YWHAG: variants seen among roughly 807,000 people sequenced by gnomAD.
YWHAG encodes 14-3-3 protein gamma.
In YWHAG, 1 loss-of-function variant was observed where a neutral mutation model predicts 23.3. That is an observed-to-expected ratio of 0.04 (90% CI 0.02 to 0.20). The LOEUF is 0.20. Among genes scored for constraint, YWHAG ranks in the 10% least tolerant of loss-of-function variants. The pLI, the probability that YWHAG is intolerant of heterozygous loss-of-function variation, is 1.00. For synonymous variants in YWHAG, 160 were observed against 144.0 expected (o/e 1.11, Z -0.80); for missense variants, 151 against 338.6 (o/e 0.45, Z 4.35).
In YWHAG at chr7:76,329,919, C is replaced by T; in HGVS notation, c.402G>A (p.Leu134=). ...TTTTCTCTCCGGTGGCCACTTCAGC[C>T]AGGTAGCGGTAGTAGTCCCCTTTCA... ...LKMKGDYYRY[L]AEVATGEKRA... is the part of the protein sequence containing the mutation. Residue 134 remains leucine, a synonymous_variant, in exon 2 of 2, where the codon CTG becomes CTA. Coordinates refer to ENST00000307630, the MANE Select transcript of YWHAG (RefSeq NM_012479.4). This position sits in a 1 kb window ranked among gnomAD's most constrained non-coding sequence, Gnocchi z 6.1. The T allele has an allele frequency of 6.2e-7, 1 of 1,614,142 alleles. No homozygotes were observed. Among genetic ancestry groups the T allele is most frequent in the Non-Finnish European group, 8.5e-7 (1 of 1,180,038 alleles).
At chr7:76,346,545 TAAGTGTTTCCTCAAATTCAGCAG>T (rs1025782110) in intron 1 of YWHAG, among the ~76,000 whole-genome samples, 1 of 152,210 alleles carries the variant, frequency 6.6e-6, no homozygotes, top group African/African-American at 2.4e-5. Context: ...TGCCTCCACT[TAAGTGTTTCCTCAAATTCAGCAG>T]AACACCAGAA....
chr7:76,349,418 TAC>T (rs35880008), intron 1 of YWHAG, among the ~76,000 whole-genome samples: 33,814 of 146,828 alleles, frequency 0.23, 4,166 homozygotes, highest in East Asian at 0.35. Flanking sequence ...CATTTATTAA[TAC>T]ACACACACAC....
At chr7:76,337,101 G>A (rs1012218580) in intron 1 of YWHAG, among the ~76,000 whole-genome samples, 9 of 152,040 alleles carry the variant, frequency 5.9e-5, no homozygotes, top group Admixed American at 1.3e-4. Context: ...GAAATAACAC[G>A]CCTCAAACAT....
chr7:76,357,639 G>A (rs1193753982), intron 1 of YWHAG, among the ~76,000 whole-genome samples: 1 of 152,112 alleles, frequency 6.6e-6, no homozygotes, highest in African/African-American at 2.4e-5. Flanking sequence ...GCATGAAGAT[G>A]TACTCGCTTA....
At chr7:76,351,060 T>C (rs567684925) in intron 1 of YWHAG, among the ~76,000 whole-genome samples, 1 of 152,158 alleles carries the variant, frequency 6.6e-6, no homozygotes, top group East Asian at 1.9e-4. Flanking sequence ...AAAAGCAAGG[T>C]GCAAAAGAAT....
At chr7:76,347,019 T>C (rs540712956) in intron 1 of YWHAG, among the ~76,000 whole-genome samples, 23 of 152,248 alleles carry the variant, frequency 1.5e-4, no homozygotes, top group South Asian at 8.3e-4. Flanking sequence ...TGCCTGGCTA[T>C]TCCTTCCTCC....
intron 1 of YWHAG, among the ~76,000 whole-genome samples, chr7:76,332,457 G>A (rs1252381337): frequency 1.3e-5 from 2 of 152,170 alleles, no homozygotes; most frequent in Non-Finnish European, 2.9e-5. Flanking sequence ...TTTCTTATCT[G>A]CAAAATGGGG....
At chr7:76,341,173 A>G (rs1030343791) in intron 1 of YWHAG, among the ~76,000 whole-genome samples, 1 of 152,174 alleles carries the variant, frequency 6.6e-6, no homozygotes, top group African/African-American at 2.4e-5. Flanking sequence ...CTGGCAGATC[A>G]CTTGAGGTCA....
At position 76,358,980 on chromosome 7, in the gene YWHAG, C is replaced by G; in HGVS notation, c.-172G>C. The G allele has an allele frequency of 7.7e-6, 4 of 517,260 alleles. No individual in the cohort carries two copies. The South Asian group carries it at 1.5e-4, about 19-fold the overall frequency. 32.0% of individuals were successfully genotyped at this position (517,260 alleles called of 1,614,324 possible). ...GGAGCTGCGACCGCGGGACCGGGCG[C>G]GAGGCGGCTGCGGCTGCTGTGCGTG... is the stretch of plus-strand genomic sequence containing the variant. On this transcript the variant is annotated 5_prime_UTR_variant, in exon 1 of 2. Coordinates refer to ENST00000307630, the MANE Select transcript of YWHAG (RefSeq NM_012479.4).
At chr7:76,352,376 T>C (rs528834743) in intron 1 of YWHAG, among the ~76,000 whole-genome samples, 4 of 152,118 alleles carry the variant, frequency 2.6e-5, no homozygotes, top group East Asian at 1.9e-4. Context: ...TTGCGGCAGG[T>C]TGGGGGTGGA....
intron 1 of YWHAG, 56 bp from the exon 2 acceptor site, chr7:76,330,289 C>A: frequency 6.5e-7 from 1 of 1,547,436 alleles, no homozygotes; most frequent in South Asian, 1.2e-5. Flanking sequence ...ACTGGGTTAA[C>A]TGTATCTTTG....
At chr7:76,348,741 T>C (rs1324714610) in intron 1 of YWHAG, among the ~76,000 whole-genome samples, 2 of 151,696 alleles carry the variant, frequency 1.3e-5, no homozygotes, top group Non-Finnish European at 2.9e-5. Context: ...GGCTTCACCA[T>C]GTTGGCCAGG....
At chr7:76,341,222 A>T (rs1412892236) in intron 1 of YWHAG, among the ~76,000 whole-genome samples, 2 of 151,980 alleles carry the variant, frequency 1.3e-5, no homozygotes, top group African/African-American at 4.8e-5. Flanking sequence ...GTGAAACCCC[A>T]TCTCTAACTA....
Position 76,329,856 on chromosome 7 carries a change from G to T in YWHAG, c.465C>A (p.Ser155Arg), listed in dbSNP as rs111385409. The T allele has an allele frequency of 6.2e-7, 1 of 1,614,024 alleles. No individual in the cohort carries two copies. Among genetic ancestry groups the T allele is most frequent in the Non-Finnish European group, 8.5e-7 (1 of 1,179,996 alleles). ...TVVESSEKAY[S>R]EAHEISKEHM... ...GCTCTTTGCTGATCTCGTGGGCTTC[G>T]CTGTAGGCCTTCTCGGAGGACTCCA... Residue 155 changes from serine to arginine, a missense_variant, in exon 2 of 2, where the codon AGC becomes AGA. Physicochemically the swap from Ser to Arg is moderately radical, Grantham distance 110. Coordinates refer to ENST00000307630, the MANE Select transcript of YWHAG (RefSeq NM_012479.4). The surrounding 1 kb of genome is among the most constrained non-coding windows in gnomAD (Gnocchi z 6.1).
At chr7:76,350,422 C>T (rs1048241714) in intron 1 of YWHAG, among the ~76,000 whole-genome samples, 3 of 152,202 alleles carry the variant, frequency 2.0e-5, no homozygotes, top group African/African-American at 7.2e-5. Flanking sequence ...TCTGTCTTAA[C>T]GTACGAATTG....
chr7:76,340,411 T>A lies in YWHAG; in HGVS notation c.88-10178A>T, dbSNP rs189710694. Among the ~76,000 whole-genome samples the A allele has an allele frequency of 2.0e-5, 3 of 152,352 alleles. No homozygotes were observed. In the East Asian group the frequency reaches 5.8e-4, roughly 29 times the overall value. On this transcript the variant is annotated intron_variant, in intron 1 of 1. Transcript: ENST00000307630. Reference sequence around the variant, plus strand: ...TTGAATTCAATGGAACTATTTCCAGTGGTTTCATTCTTAAATGTCAGCTCT... The same window carrying A: ...TTGAATTCAATGGAACTATTTCCAGAGGTTTCATTCTTAAATGTCAGCTCT...
At chr7:76,337,511 C>T (rs1307302889) in intron 1 of YWHAG, among the ~76,000 whole-genome samples, 2 of 151,772 alleles carry the variant, frequency 1.3e-5, no homozygotes, top group African/African-American at 4.8e-5. Context: ...TGATTTTCAT[C>T]TCCTGCGCCT....
chr7:76,348,125 A>T (rs1202869453), intron 1 of YWHAG, among the ~76,000 whole-genome samples: 2 of 152,194 alleles, frequency 1.3e-5, no homozygotes, highest in African/African-American at 4.8e-5. Context: ...GTTTAAAAGG[A>T]TTTTCCATGC....
intron 1 of YWHAG, among the ~76,000 whole-genome samples, chr7:76,340,513 T>C (rs1157892291): frequency 6.6e-6 from 1 of 152,220 alleles, no homozygotes; most frequent in Non-Finnish European, 1.5e-5. Context: ...ACTTTTGTGA[T>C]CAGAAATGGA....
Sources: gnomAD v4.1 joint callset for allele counts (sites outside exome capture counted in the v4.1 genomes callset) on GRCh38, gnomAD v4.1.1 for gene constraint, Gnocchi (gnomAD v3.1) non-coding constraint, MANE v1.5 for transcripts, NCBI Gene and HGNC (gene_info 2026-07-23, HGNC 2026-07-21) for gene names.